Variants in ZBTB46 observed in about 807,000 individuals in gnomAD.
ZBTB46 encodes the protein zinc finger and BTB domain containing 46, also known as zinc finger and BTB domain-containing protein 46.
ZBTB46 carries 8 observed loss-of-function variants against 44.1 expected under a neutral mutation model. The observed-to-expected ratio is 0.18, with a 90% CI of 0.11 to 0.33. The LOEUF (loss-of-function observed/expected upper bound fraction) is 0.33. Among genes scored for constraint, ZBTB46 ranks in the 10% least tolerant of loss-of-function variants. The pLI is 1.00. For missense variants in ZBTB46, 651 were observed against 847.7 expected (o/e 0.77, Z 2.88); for synonymous variants, 409 against 382.3 (o/e 1.07, Z -0.81).
chr20:63,756,639 A>G (rs1225396185), intron 3 of ZBTB46, among the ~76,000 whole-genome samples: 1 of 152,244 alleles, frequency 6.6e-6, no homozygotes, highest in Non-Finnish European at 1.5e-5. Flanking sequence ...TACACCACAC[A>G]TCGCCAAACA....
intron 3 of ZBTB46, chr20:63,769,214 T>C (rs937832454): frequency 4.1e-5 from 40 of 985,208 alleles, no homozygotes; most frequent in African/African-American, 5.2e-5. Context: ...TTTGGCCCAG[T>C]TGCCCCAGAC....
chr20:63,766,900 C>T lies in ZBTB46; in HGVS notation c.1222+8778G>A, dbSNP rs146210320. Reference sequence around the variant, plus strand: ...GGCCTGGGAGCGGGCTCCCCCGACACGCCACCTTCCCTGCCAGATGGTGCT... The same window carrying T: ...GGCCTGGGAGCGGGCTCCCCCGACATGCCACCTTCCCTGCCAGATGGTGCT... On this transcript the variant is annotated intron_variant, in intron 3 of 4. Coordinates refer to ENST00000245663, the MANE Select transcript of ZBTB46 (RefSeq NM_001369741.1). Among the ~76,000 whole-genome samples, 361 of 152,330 alleles carry T rather than the reference C, an allele frequency of 2.4e-3. 1 individual carries two copies. Among genetic ancestry groups the T allele is most frequent in the Admixed American group, 7.1e-3 (109 of 15,306 alleles).
chr20:63,819,421 C>T (rs1254706831), intron 1 of ZBTB46, among the ~76,000 whole-genome samples: 2 of 152,146 alleles, frequency 1.3e-5, no homozygotes, highest in South Asian at 2.1e-4. Context: ...CCCTTCCTGA[C>T]CCTGAATCTC....
intron 3 of ZBTB46, among the ~76,000 whole-genome samples, chr20:63,759,386 C>A (rs946034430): frequency 6.6e-6 from 1 of 152,066 alleles, no homozygotes; most frequent in Non-Finnish European, 1.5e-5. Context: ...CCATTCATTT[C>A]TTTTTCTTTT....
chr20:63,796,684 A>G (rs1265899818), intron 1 of ZBTB46, among the ~76,000 whole-genome samples: 1 of 151,876 alleles, frequency 6.6e-6, no homozygotes, highest in Non-Finnish European at 1.5e-5. Flanking sequence ...AATTAGCAGG[A>G]CGTGATGGCA....
chr20:63,823,862 G>C (rs1181737282), intron 1 of ZBTB46, among the ~76,000 whole-genome samples: 2 of 150,944 alleles, frequency 1.3e-5, no homozygotes, highest in African/African-American at 4.9e-5. Flanking sequence ...GGAACCTTGT[G>C]TGTGTGTGTG....
Position 63,747,140 on chromosome 20 carries a change from G to A in ZBTB46, c.1560C>T (p.Gly520=), listed in dbSNP as rs780441392. 57 of 1,609,326 alleles carry A rather than the reference G, an allele frequency of 3.5e-5. No homozygotes were observed. The Middle Eastern group carries it at 2.7e-3, about 75-fold the overall frequency. The change falls in exon 5 of 5, where the codon GGC becomes GGT. Residue 520 remains glycine, a synonymous_variant. Transcript: ENST00000245663. ...AGPLDHGGGG[G]EGSPEALFPG... ...GGAACAGCGCCTCTGGAGAGCCCTC[G>A]CCGCCTCCGCCGCCATGGTCCAGGG...
At position 63,767,898 on chromosome 20, in the gene ZBTB46, G is replaced by A. The variant is rs2092333985; in HGVS notation, c.1222+7780C>T. ...GCATCCTGGACAGGCCACAGGCCCT[G>A]CAGAAACCCACCCTCATGCCAGCGG... On this transcript the variant is annotated intron_variant, in intron 3 of 4. Transcript: ENST00000245663. The surrounding 1 kb of genome is among the most constrained non-coding windows in gnomAD (Gnocchi z 5.0). 5 of 985,340 alleles carry A rather than the reference G, an allele frequency of 5.1e-6. No individual in the cohort carries two copies. In the South Asian group the frequency reaches 1.9e-4, roughly 37 times the overall value. The allele number at this position is 985,340 out of a possible 1,614,324, so 61.0% of individuals were successfully genotyped here. A position where few individuals can be genotyped will look rare whatever the true frequency, so the allele number is the denominator to read the frequency against.
intron 1 of ZBTB46, among the ~76,000 whole-genome samples, chr20:63,809,970 A>G (rs1473239198): frequency 1.3e-5 from 2 of 152,018 alleles, no homozygotes; most frequent in African/African-American, 2.4e-5. Context: ...TCAAAAAAAA[A>G]AAAAGAAAAG....
chr20:63,746,970 G>T lies in ZBTB46; in HGVS notation c.1730C>A (p.Pro577His). 2 of 1,598,774 alleles carry T rather than the reference G, an allele frequency of 1.3e-6. No homozygotes were observed. The highest frequency in any genetic ancestry group is 1.7e-6 in the Non-Finnish European group (2 of 1,176,030). ...DEEDSPRPRS[P>H]PGGPDKDFAW... ...GAAGTCCTTGTCAGGGCCTCCTGGG[G>T]GGCTGCGCGGCCGCGGCGAGTCTTC... The change falls in exon 5 of 5, where the codon CCC becomes CAC. Residue 577 changes from proline (P) to histidine (H), a missense_variant. Coordinates refer to ENST00000245663, the MANE Select transcript of ZBTB46 (RefSeq NM_001369741.1).
intron 1 of ZBTB46, among the ~76,000 whole-genome samples, chr20:63,800,366 T>C (rs1310445055): frequency 2.0e-5 from 3 of 152,092 alleles, no homozygotes; most frequent in Non-Finnish European, 4.4e-5. Context: ...TGCGGGAAGC[T>C]CCTGTGGTGA....
At chr20:63,804,781 A>G (rs988066675) in intron 1 of ZBTB46, among the ~76,000 whole-genome samples, 6 of 151,588 alleles carry the variant, frequency 4.0e-5, no homozygotes, top group African/African-American at 1.2e-4. Flanking sequence ...AGTCCCAGCT[A>G]CTCGGGAGGC....
intron 2 of ZBTB46, among the ~76,000 whole-genome samples, chr20:63,779,621 C>T (rs1329797407): frequency 3.9e-5 from 6 of 152,100 alleles, no homozygotes; most frequent in Admixed American, 1.3e-4. Flanking sequence ...GGGGTTTCAC[C>T]GTGTTAGCCA....
intron 3 of ZBTB46, among the ~76,000 whole-genome samples, chr20:63,753,382 C>T (rs1263330304): frequency 6.6e-6 from 1 of 152,198 alleles, no homozygotes; most frequent in African/African-American, 2.4e-5. Flanking sequence ...TTGCTGGACG[C>T]CGGAGAAGCA....
At chr20:63,769,398 AAGG>A in intron 3 of ZBTB46, 2 of 985,334 alleles carry the variant, frequency 2.0e-6, no homozygotes, top group Non-Finnish European at 2.4e-6. Context: ...GAACACAGGA[AAGG>A]AGGAGTCTCA....
At chr20:63,768,097 AAGAC>A (rs2092335991) in intron 3 of ZBTB46, 1 of 985,452 alleles carries the variant, frequency 1.0e-6, no homozygotes, top group Non-Finnish European at 1.2e-6. Flanking sequence ...AATCACTACT[AAGAC>A]AGCCTGTCAA....
intron 2 of ZBTB46, 58 bp from the exon 3 acceptor site, chr20:63,776,020 G>C: frequency 6.7e-7 from 1 of 1,489,236 alleles, no homozygotes; most frequent in Non-Finnish European, 8.9e-7. Context: ...TCTCCAAGTG[G>C]GACAGGCGAC....
chr20:63,752,744 G>A lies in ZBTB46; in HGVS notation c.1340C>T (p.Pro447Leu). The change falls in exon 4 of 5, where the codon CCC becomes CTC. Residue 447 changes from proline to leucine, a missense_variant. By Grantham distance (98) the Pro-to-Leu change is moderately conservative (BLOSUM62 -3). Around this residue, in one of 5 missense-constraint regions of ZBTB46, gnomAD observed 20 missense variants for 67.7 expected, o/e 0.30. Transcript: ENST00000245663. This position sits in a 1 kb window ranked among gnomAD's most constrained non-coding sequence, Gnocchi z 5.6. The part of the protein sequence containing the change: ...MRSHTGERPY[P>L]CEICGKKFTR... ...GAACTTCTTCCCGCAGATCTCGCAG[G>A]GGTAGGGCCGCTCTCCCGTGTGCGA... 6.2e-7 allele frequency: 1 copy of A among 1,611,464 alleles called. No individual in the cohort carries two copies. Among genetic ancestry groups the A allele is most frequent in the Non-Finnish European group, 8.5e-7 (1 of 1,179,006 alleles).
chr20:63,775,745 G>C lies in ZBTB46; in HGVS notation c.1155C>G (p.Ala385=), dbSNP rs752573340. 2.6e-5 allele frequency: 42 copies of C among 1,612,194 alleles called. No homozygotes were observed. The highest frequency in any genetic ancestry group is 3.4e-5 in the Non-Finnish European group (40 of 1,179,276). The change falls in exon 3 of 5, where the codon GCC becomes GCG. Residue 385 remains alanine (A), a synonymous_variant. Coordinates refer to ENST00000245663, the MANE Select transcript of ZBTB46 (RefSeq NM_001369741.1). ...MSKNSLLSLK[A]DVLGDDGSLL... is the part of the protein sequence containing the mutation. ...GGGAGCCGTCATCCCCCAGCACGTC[G>C]GCCTTCAGCGACAGCAGGCTGTTCT...
Sources: gnomAD v4.1 joint callset for allele counts (sites outside exome capture counted in the v4.1 genomes callset) on GRCh38, gnomAD v4.1.1 for gene constraint, gnomAD v4.1.1 regional missense constraint, Gnocchi (gnomAD v3.1) non-coding constraint, MANE v1.5 for transcripts, NCBI Gene and HGNC (gene_info 2026-07-23, HGNC 2026-07-21) for gene names.